TENM4: variants seen among roughly 807,000 people sequenced by gnomAD.
TENM4 encodes teneurin-4.
Under a neutral mutation model 243.3 loss-of-function variants are expected in TENM4, and 82 were observed. That is an observed-to-expected ratio of 0.34 (90% confidence interval 0.28 to 0.40). TENM4 has a LOEUF of 0.40. Ranked by LOEUF, TENM4 falls within the 10% of genes least tolerant of loss-of-function variation. The pLI is 1.00. For missense variants in TENM4, 3,138 were observed against 3,673.3 expected (o/e 0.85, Z 3.77); for synonymous variants, 1,412 against 1,456.3 (o/e 0.97, Z 0.69).
chr11:78,714,401 C>A lies in TENM4; in HGVS notation c.3822-1687G>T, dbSNP rs76408614. ...GCTACCTCGAAAGGGGCCAGGCATC[C>A]AGATCCAATGCTTTCCTTCTTTGGT... On this transcript the variant is annotated intron_variant, in intron 25 of 33. Transcript: ENST00000278550. Among the ~76,000 whole-genome samples the A allele has an allele frequency of 8.7e-3, 1,323 of 152,244 alleles. 14 individuals are homozygous for A. Among genetic ancestry groups the A allele is most frequent in the African/African-American group, 0.029 (1,221 of 41,534 alleles).
intron 6 of TENM4, among the ~76,000 whole-genome samples, chr11:78,983,886 G>C (rs1857861581): frequency 6.6e-6 from 1 of 152,202 alleles, no homozygotes; most frequent in African/African-American, 2.4e-5. Context: ...GTGACCTTGA[G>C]CAAATCACTA....
At chr11:79,175,384 G>A (rs1357014788) in intron 3 of TENM4, among the ~76,000 whole-genome samples, 3 of 152,190 alleles carry the variant, frequency 2.0e-5, no homozygotes, top group Admixed American at 2.0e-4. Flanking sequence ...CTGAATATCA[G>A]TGCTGGGTAC....
intron 4 of TENM4, among the ~76,000 whole-genome samples, chr11:79,129,533 G>A (rs960524295): frequency 6.6e-6 from 1 of 152,134 alleles, no homozygotes. Flanking sequence ...CTGTTTGTTG[G>A]GGGGTAGGGA....
chr11:78,747,166 C>T (rs1229999058), intron 19 of TENM4, among the ~76,000 whole-genome samples: 2 of 152,108 alleles, frequency 1.3e-5, no homozygotes, highest in Non-Finnish European at 2.9e-5. Flanking sequence ...AGGAAGACAG[C>T]CATGGTGAAG....
intron 31 of TENM4, among the ~76,000 whole-genome samples, chr11:78,671,743 G>C (rs924461005): frequency 6.6e-6 from 1 of 152,080 alleles, no homozygotes; most frequent in African/African-American, 2.4e-5. Context: ...CCTTGGCCTG[G>C]GTCTGAACCC....
At chr11:78,685,206 T>C (rs576829992) in intron 29 of TENM4, among the ~76,000 whole-genome samples, 2 of 152,218 alleles carry the variant, frequency 1.3e-5, no homozygotes, top group Non-Finnish European at 2.9e-5. Context: ...TGTCCATTAA[T>C]GGTGACTTGG....
chr11:79,186,875 A>C (rs1863389900), intron 3 of TENM4, among the ~76,000 whole-genome samples: 12 of 152,226 alleles, frequency 7.9e-5, no homozygotes, highest in Admixed American at 7.8e-4. Flanking sequence ...AATTTACTGC[A>C]TCTGAAACAG....
chr11:78,874,077 C>T (rs1008941143), intron 9 of TENM4, among the ~76,000 whole-genome samples: 16 of 152,180 alleles, frequency 1.1e-4, no homozygotes, highest in African/African-American at 3.6e-4. Flanking sequence ...AAACACTGCC[C>T]TCATGGTATG....
At chr11:78,987,762 T>C (rs1399372289) in intron 6 of TENM4, among the ~76,000 whole-genome samples, 3 of 152,234 alleles carry the variant, frequency 2.0e-5, no homozygotes, top group Non-Finnish European at 4.4e-5. Flanking sequence ...GTAGGCACTG[T>C]GGAGGACCTT....
At chr11:78,729,045 T>C (rs1378176689) in intron 22 of TENM4, among the ~76,000 whole-genome samples, 1 of 152,066 alleles carries the variant, frequency 6.6e-6, no homozygotes, top group Non-Finnish European at 1.5e-5. Context: ...AATGGGTAAG[T>C]TCCCACAGGA....
At chr11:79,176,617 C>CA (rs1450517651) in intron 3 of TENM4, among the ~76,000 whole-genome samples, 1 of 152,186 alleles carries the variant, frequency 6.6e-6, no homozygotes, top group Non-Finnish European at 1.5e-5. Context: ...TTTACTCCTT[C>CA]ATTTTTTAGT....
intron 2 of TENM4, among the ~76,000 whole-genome samples, chr11:79,275,576 C>G (rs915696207): frequency 2.0e-5 from 3 of 152,196 alleles, no homozygotes; most frequent in Admixed American, 6.5e-5. Flanking sequence ...AGCCTTGTCT[C>G]CACTCCCCAG....
intron 1 of TENM4, among the ~76,000 whole-genome samples, chr11:79,354,821 T>C (rs1320535048): frequency 6.6e-6 from 1 of 152,146 alleles, no homozygotes; most frequent in Non-Finnish European, 1.5e-5. Context: ...AAAAAAAGAA[T>C]TTGAAGTCTG....
intron 1 of TENM4, among the ~76,000 whole-genome samples, chr11:79,388,882 G>A (rs985714082): frequency 4.6e-5 from 7 of 152,150 alleles, no homozygotes; most frequent in African/African-American, 1.7e-4. Context: ...GCTTAATGGA[G>A]GAAAACTGGG....
intron 6 of TENM4, among the ~76,000 whole-genome samples, chr11:79,015,397 C>T (rs1328905036): frequency 2.0e-5 from 3 of 152,042 alleles, no homozygotes; most frequent in Non-Finnish European, 2.9e-5. Flanking sequence ...CTAGAGGCCA[C>T]CTCTTTCCAT....
At chr11:78,862,420 G>A (rs1227684646) in intron 10 of TENM4, among the ~76,000 whole-genome samples, 5 of 152,128 alleles carry the variant, frequency 3.3e-5, no homozygotes, top group Non-Finnish European at 5.9e-5. Flanking sequence ...CATGCTGTAC[G>A]AACACTAATG....
At chr11:78,903,219 C>A in intron 7 of TENM4, 49 bp downstream of exon 7, 1 of 1,464,822 alleles carries the variant, frequency 6.8e-7, no homozygotes, top group Non-Finnish European at 9.0e-7. Flanking sequence ...TTGGTCCGGG[C>A]CCCGGGTGCC....
At chr11:79,270,925 C>G (rs1171455647) in intron 2 of TENM4, among the ~76,000 whole-genome samples, 1 of 152,202 alleles carries the variant, frequency 6.6e-6, no homozygotes, top group East Asian at 1.9e-4. Context: ...CTCCTCCCAA[C>G]CAGAAGCAGC....
intron 24 of TENM4, among the ~76,000 whole-genome samples, chr11:78,721,346 G>A (rs558708595): frequency 2.0e-5 from 3 of 152,332 alleles, no homozygotes; most frequent in East Asian, 3.9e-4. Flanking sequence ...CCCTGTGTGT[G>A]GGGCCAATAC....
Sources: allele counts gnomAD v4.1 joint callset (sites outside exome capture counted in the v4.1 genomes callset), GRCh38; gene constraint gnomAD v4.1.1; transcripts MANE v1.5; gene names NCBI Gene and HGNC (gene_info 2026-07-23, HGNC 2026-07-21).